CACNA1A: variants seen among roughly 807,000 people sequenced by gnomAD.
CACNA1A encodes the protein calcium voltage-gated channel subunit alpha1 A, also known as voltage-dependent P/Q-type calcium channel subunit alpha-1A.
In CACNA1A, 57 loss-of-function variants were observed where a neutral mutation model predicts 262.4. The observed-to-expected ratio is 0.22, with a 90% CI of 0.18 to 0.27. The LOEUF (loss-of-function observed/expected upper bound fraction) is 0.27. CACNA1A is among the 10% of genes least tolerant of loss of function. CACNA1A has a pLI of 1.00. For missense variants in CACNA1A, 2,526 were observed against 3,562.8 expected (o/e 0.71, Z 7.41); for synonymous variants, 1,431 against 1,419.3 (o/e 1.01, Z -0.18).
chr19:13,235,890 C>T, intron 31 of CACNA1A, 160 bp from the exon 32 acceptor site: 1 of 571,302 alleles, frequency 1.8e-6, no homozygotes, highest in South Asian at 2.3e-5. Flanking sequence ...TGCAATGATG[C>T]AGAGGAAAAA....
At chr19:13,227,842 A>G (rs1035196296) in intron 36 of CACNA1A, among the ~76,000 whole-genome samples, 1 of 143,802 alleles carries the variant, frequency 7.0e-6, no homozygotes, top group Non-Finnish European at 1.5e-5. Context: ...TTCTGGAGGG[A>G]TGCGGAGGGG....
rs2057717307 is a variant in CACNA1A, at chr19:13,298,527, A to G, written c.3089+17T>C. 6.5e-7 allele frequency: 1 copy of G among 1,535,224 alleles called. No homozygotes were observed. The highest frequency in any genetic ancestry group is 2.6e-5 in the East Asian group (1 of 38,650). The stretch of plus-strand genomic sequence containing the variant: ...ATGTTACCGTCATTCTGCGGATTCG[A>G]GGTCACCTCCACTTACTTCCTCCTC... On this transcript the variant is annotated intron_variant, in intron 19 of 46. Coordinates refer to ENST00000360228, the MANE Select transcript of CACNA1A (RefSeq NM_001127222.2).
intron 31 of CACNA1A, among the ~76,000 whole-genome samples, chr19:13,242,224 A>C (rs377292992): frequency 6.6e-5 from 10 of 152,210 alleles, no homozygotes; most frequent in African/African-American, 2.2e-4. Flanking sequence ...AATAGTTAAC[A>C]ACCACCATTT....
chr19:13,429,089 G>C (rs898400343), intron 3 of CACNA1A, among the ~76,000 whole-genome samples: 11 of 150,468 alleles, frequency 7.3e-5, no homozygotes, highest in Non-Finnish European at 1.5e-4. Context: ...GCTGGGTCTC[G>C]CTCCTCTGCC....
rs143892949 is a variant in CACNA1A at position 13,238,574 on chromosome 19, C to T, written c.4951-2844G>A. ...CCCAACCTGGTCCTTTCCTTGCACT[C>T]GCTCACCTCTATCACCCAGTATTTT... On this transcript the variant is annotated intron_variant, in intron 31 of 46. Coordinates refer to ENST00000360228, the MANE Select transcript of CACNA1A (RefSeq NM_001127222.2). Among the ~76,000 whole-genome samples the T allele has an allele frequency of 1.8e-4, 26 of 145,316 alleles. No homozygotes were observed. In the East Asian group the frequency reaches 4.1e-3, roughly 23 times the overall value.
intron 6 of CACNA1A, among the ~76,000 whole-genome samples, chr19:13,339,285 A>T (rs1469900257): frequency 6.6e-6 from 1 of 152,184 alleles, no homozygotes; most frequent in Non-Finnish European, 1.5e-5. Flanking sequence ...AAAAGGGAAA[A>T]TCCTGTATGA....
intron 19 of CACNA1A, among the ~76,000 whole-genome samples, chr19:13,291,462 C>T (rs1253903211): frequency 6.6e-6 from 1 of 151,638 alleles, no homozygotes; most frequent in Non-Finnish European, 1.5e-5. Context: ...CCCAGAGTTA[C>T]CCAGCTGGAA....
rs566217473 is a variant in CACNA1A, at chr19:13,301,422, C to T, written c.2173-766G>A. ...CCCTGCCATGCACTGTCAACAGCCC[C>T]CAGAAGGAGAATGAGGAGAGGAATT... On this transcript the variant is annotated intron_variant, in intron 17 of 46. Transcript: ENST00000360228. 4.6e-5 allele frequency among the ~76,000 whole-genome samples: 7 copies of T among 152,290 alleles called. No individual in the cohort carries two copies. In the East Asian group the frequency reaches 1.4e-3, roughly 29 times the overall value.
At chr19:13,219,214 GTAT>G (rs1363498125) in intron 38 of CACNA1A, among the ~76,000 whole-genome samples, 1 of 150,120 alleles carries the variant, frequency 6.7e-6, no homozygotes, top group Non-Finnish European at 1.5e-5. Context: ...GCTAATTTTT[GTAT>G]TTTTAGTAGA....
At chr19:13,298,107 G>A (rs532802431) in intron 19 of CACNA1A, among the ~76,000 whole-genome samples, 69 of 148,028 alleles carry the variant, frequency 4.7e-4, no homozygotes, top group African/African-American at 1.7e-3. Context: ...ACAGGCATGA[G>A]CCACTGCTCC....
intron 3 of CACNA1A, among the ~76,000 whole-genome samples, chr19:13,406,966 C>A (rs2060023774): frequency 6.6e-6 from 1 of 151,958 alleles, no homozygotes; most frequent in Non-Finnish European, 1.5e-5. Context: ...CACATGCACA[C>A]ATGTATGCAT....
chr19:13,291,439 A>G (rs988960258), intron 19 of CACNA1A, among the ~76,000 whole-genome samples: 1 of 151,782 alleles, frequency 6.6e-6, no homozygotes, highest in Non-Finnish European at 1.5e-5. Flanking sequence ...TGAGGTTCAG[A>G]GAGGCAAAGT....
intron 22 of CACNA1A, among the ~76,000 whole-genome samples, chr19:13,280,667 G>A (rs896699241): frequency 2.6e-5 from 4 of 152,010 alleles, no homozygotes; most frequent in African/African-American, 4.8e-5. Context: ...TTGACCGGGC[G>A]TGGTGGCTCA....
chr19:13,489,419 GCT>G (rs1199671630), intron 1 of CACNA1A, among the ~76,000 whole-genome samples: 1 of 152,056 alleles, frequency 6.6e-6, no homozygotes, highest in African/African-American at 2.4e-5. Flanking sequence ...CTCCCAAGTA[GCT>G]GGGACTACAG....
intron 5 of CACNA1A, chr19:13,362,096 C>CTGCAGCCT (rs2059122111): frequency 6.7e-6 from 1 of 149,494 alleles, no homozygotes; most frequent in Non-Finnish European, 1.5e-5. Context: ...TCATAGCTTA[C>CTGCAGCCT]TGCAGCCTTG....
At chr19:13,376,826 AAC>A (rs1301847928) in intron 3 of CACNA1A, among the ~76,000 whole-genome samples, 54 of 79,590 alleles carry the variant, frequency 6.8e-4, no homozygotes, top group Non-Finnish European at 2.8e-4. Context: ...TGTGATATAT[AAC>A]ACATGTTATA....
chr19:13,504,425 A>G (rs1982766627), intron 1 of CACNA1A, among the ~76,000 whole-genome samples: 1 of 152,088 alleles, frequency 6.6e-6, no homozygotes, highest in Non-Finnish European at 1.5e-5. Context: ...GACCACTCAC[A>G]CACTCCAAAA....
intron 3 of CACNA1A, among the ~76,000 whole-genome samples, chr19:13,382,303 A>G (rs2059537290): frequency 6.6e-6 from 1 of 152,082 alleles, no homozygotes; most frequent in Non-Finnish European, 1.5e-5. Context: ...CTGGCCCTGC[A>G]TTTTCTCATT....
At chr19:13,280,693 C>A (rs2057268492) in intron 22 of CACNA1A, among the ~76,000 whole-genome samples, 1 of 152,062 alleles carries the variant, frequency 6.6e-6, no homozygotes, top group Admixed American at 6.6e-5. Context: ...GTAATCCCAG[C>A]ACTTTGGGAG....
Sources: gnomAD v4.1 joint callset for allele counts (sites outside exome capture counted in the v4.1 genomes callset) on GRCh38, gnomAD v4.1.1 for gene constraint, MANE v1.5 for transcripts, NCBI Gene and HGNC (gene_info 2026-07-23, HGNC 2026-07-21) for gene names.